The following LAMB4 variants were observed in gnomAD, a reference collection of about 807,000 sequenced individuals.
The protein encoded by LAMB4 is laminin subunit beta 4, also known as laminin subunit beta-4.
A neutral mutation model predicts 199.2 loss-of-function variants in LAMB4; 196 were observed. The observed-to-expected ratio is 0.98, with a 90% CI of 0.88 to 1.11. The LOEUF (loss-of-function observed/expected upper bound fraction) is 1.11, where lower values mean the gene tolerates loss of function less well. LAMB4 is among the 50% of genes least tolerant of loss of function. The pLI is 0.00. For missense variants in LAMB4, 2,080 were observed against 2,171.2 expected (o/e 0.96, Z 0.83); for synonymous variants, 744 against 770.6 (o/e 0.97, Z 0.57).
the LAMB4 span, among the ~76,000 whole-genome samples, chr7:108,016,361 G>A: frequency 7.5e-6 from 1 of 133,466 alleles, no homozygotes; most frequent in Non-Finnish European, 1.5e-5. Flanking sequence ...TCAGCTTACT[G>A]CAACCTCTGT....
At chr7:108,036,477 C>G (rs193224445) in intron 30 of LAMB4, among the ~76,000 whole-genome samples, 1 of 152,148 alleles carries the variant, frequency 6.6e-6, no homozygotes. Flanking sequence ...CGTGAGCCAC[C>G]GTGCCCGGCC....
rs371873640 is a variant in LAMB4 at position 108,121,382 on chromosome 7, A to C, written c.34+1749T>G. ...CATGAGATGCTTTCTCACACTTTAG[A>C]GTTCACATCAGAGCTTTAGAGGATG... On this transcript the variant is annotated intron_variant, in intron 2 of 33. Transcript: ENST00000388781. Among the ~76,000 whole-genome samples, 5 of 152,346 alleles carry C rather than the reference A, an allele frequency of 3.3e-5. No individual in the cohort carries two copies. In the East Asian group the frequency reaches 7.7e-4, roughly 24 times the overall value.
At chr7:108,088,329 A>C (rs891240596) in intron 14 of LAMB4, among the ~76,000 whole-genome samples, 5 of 151,970 alleles carry the variant, frequency 3.3e-5, no homozygotes, top group African/African-American at 1.2e-4. Flanking sequence ...CGCCCAGCTA[A>C]TTTTTGTATT....
intron 6 of LAMB4, 34 bp from the exon 7 acceptor site, chr7:108,106,606 T>C (rs754835588): frequency 8.3e-7 from 1 of 1,198,152 alleles, no homozygotes; most frequent in Non-Finnish European, 1.2e-6. Flanking sequence ...TTATAGTATA[T>C]TACCTGAAAA....
At chr7:108,076,531 A>C (rs531671959) in intron 17 of LAMB4, among the ~76,000 whole-genome samples, 1 of 152,338 alleles carries the variant, frequency 6.6e-6, no homozygotes, top group South Asian at 2.1e-4. Context: ...TTGGAAAATG[A>C]TAATGATTAA....
chr7:108,012,262 C>T, the LAMB4 span, among the ~76,000 whole-genome samples: 2 of 151,780 alleles, frequency 1.3e-5, no homozygotes, highest in Admixed American at 6.6e-5. Context: ...AATATAAACA[C>T]ATTTCTATAA....
intron 10 of LAMB4, among the ~76,000 whole-genome samples, chr7:108,101,114 G>A (rs1289667630): frequency 6.6e-6 from 1 of 152,096 alleles, no homozygotes; most frequent in Non-Finnish European, 1.5e-5. Context: ...CAGCTTCCCT[G>A]CCCCCACTTT....
chr7:108,059,906 T>C (rs1420067466), intron 23 of LAMB4, among the ~76,000 whole-genome samples: 1 of 152,248 alleles, frequency 6.6e-6, no homozygotes, highest in African/African-American at 2.4e-5. Flanking sequence ...TCTGTCTTTA[T>C]CATATTAGCT....
In LAMB4 at chr7:108,037,597, T is replaced by C. The variant is rs1283343262; in HGVS notation, c.4472-2A>G. ...TGTCTTCTGGAGGCACGTTTTCCTCTTAAATAAGAAGCAGGGTTTTAGGTA... is the reference window on the plus strand; with the variant it reads ...TGTCTTCTGGAGGCACGTTTTCCTCCTAAATAAGAAGCAGGGTTTTAGGTA... On this transcript the variant is annotated splice_acceptor_variant, in intron 29 of 33. Transcript: ENST00000388781. LOFTEE classifies it high-confidence loss of function. The C allele has an allele frequency of 6.2e-7, 1 of 1,612,816 alleles. No homozygotes were observed. Among genetic ancestry groups the C allele is most frequent in the Non-Finnish European group, 8.5e-7 (1 of 1,178,924 alleles).
intron 17 of LAMB4, among the ~76,000 whole-genome samples, chr7:108,076,530 G>A (rs1477913096): frequency 2.0e-5 from 3 of 152,186 alleles, no homozygotes; most frequent in Non-Finnish European, 4.4e-5. Flanking sequence ...CTTGGAAAAT[G>A]ATAATGATTA....
At chr7:108,031,777 A>G (rs1158804748) in intron 31 of LAMB4, among the ~76,000 whole-genome samples, 1 of 152,200 alleles carries the variant, frequency 6.6e-6, no homozygotes, top group Non-Finnish European at 1.5e-5. Context: ...GTTTGAACAT[A>G]CAACAATGTA....
At chr7:108,089,504 A>T (rs893619263) in intron 14 of LAMB4, among the ~76,000 whole-genome samples, 2 of 152,130 alleles carry the variant, frequency 1.3e-5, no homozygotes, top group African/African-American at 4.8e-5. Context: ...TCTCCTTATC[A>T]TTTGCACTGG....
chr7:108,091,822 C>T lies in LAMB4; in HGVS notation c.1551-46G>A, dbSNP rs187459549. 124 of 1,601,398 alleles carry T rather than the reference C, an allele frequency of 7.7e-5. No individual in the cohort carries two copies. The East Asian group carries it at 1.6e-3, about 20-fold the overall frequency. ...CATGAAAAAATGCAAAGTAGGTGAG[C>T]GGAAAATGAAGGTGTAGGGGTGCTG... On this transcript the variant is annotated intron_variant, in intron 13 of 33. Transcript: ENST00000388781.
the LAMB4 span, among the ~76,000 whole-genome samples, chr7:108,013,687 A>G: frequency 6.6e-6 from 1 of 152,300 alleles, no homozygotes; most frequent in East Asian, 1.9e-4. Flanking sequence ...AGTCTGAAAT[A>G]TGTACTAACG....
rs776598965 is a variant in LAMB4, at chr7:108,037,472, C to T, written c.4595G>A (p.Cys1532Tyr). Residue 1532 changes from cysteine to tyrosine, a missense_variant, in exon 30 of 34, where the codon TGT becomes TAT. Coordinates refer to ENST00000388781, the MANE Select transcript of LAMB4 (RefSeq NM_007356.3). ...GTTTTCATCTGTCCTGTAATCCTCA[C>T]AGAGTTGCATATGTTTCTGTATTTT... ...LVKIQKHMQLCEDYRTDENRL... is the reference protein window; with the variant it reads ...LVKIQKHMQLYEDYRTDENRL... The T allele has an allele frequency of 6.2e-7, 1 of 1,614,166 alleles. No individual in the cohort carries two copies. The highest frequency in any genetic ancestry group is 1.7e-5 in the Admixed American group (1 of 60,014).
rs73422895 is a variant in LAMB4 at position 108,031,041 on chromosome 7, C to T, written c.4819-62G>A. On this transcript the variant is annotated intron_variant, in intron 31 of 33. Coordinates refer to ENST00000388781, the MANE Select transcript of LAMB4 (RefSeq NM_007356.3). Reference sequence around the variant, plus strand: ...TTTATGAAACAAACAAGAAGATAAACGATATATTAACCCCTTGAAAAATAT... The same window carrying T: ...TTTATGAAACAAACAAGAAGATAAATGATATATTAACCCCTTGAAAAATAT... The T allele has an allele frequency of 7.9e-4, 1,147 of 1,460,288 alleles. 4 individuals carry two copies. The African/African-American group carries it at 0.013, about 17-fold the overall frequency. 90.5% of individuals were successfully genotyped at this position (1,460,288 alleles called of 1,614,324 possible).
intron 14 of LAMB4, among the ~76,000 whole-genome samples, chr7:108,081,612 A>G (rs1003263563): frequency 6.6e-6 from 1 of 152,202 alleles, no homozygotes; most frequent in African/African-American, 2.4e-5. Flanking sequence ...AGTAGATCCT[A>G]AGATGCAATT....
chr7:108,033,971 C>T (rs1167453546), intron 31 of LAMB4, among the ~76,000 whole-genome samples: 1 of 152,010 alleles, frequency 6.6e-6, no homozygotes, highest in African/African-American at 2.4e-5. Context: ...TTCCTCATTT[C>T]CAAGCTGGTG....
chr7:108,117,630 G>A (rs1156314773), intron 2 of LAMB4, among the ~76,000 whole-genome samples: 1 of 152,168 alleles, frequency 6.6e-6, no homozygotes, highest in Non-Finnish European at 1.5e-5. Context: ...TTCAGGGCGA[G>A]TCCATACGGT....
Sources: gnomAD v4.1 joint callset for allele counts (sites outside exome capture counted in the v4.1 genomes callset) on GRCh38, gnomAD v4.1.1 for gene constraint, MANE v1.5 for transcripts, NCBI Gene and HGNC (gene_info 2026-07-23, HGNC 2026-07-21) for gene names.